PRKCZ: variants seen among roughly 807,000 people sequenced by gnomAD.
PRKCZ encodes protein kinase C zeta, also known as protein kinase C zeta type.
In PRKCZ, 33 loss-of-function variants were observed where a neutral mutation model predicts 79.5. That is an observed-to-expected ratio of 0.41 (90% CI 0.31 to 0.55). The LOEUF is 0.55. PRKCZ is among the 20% of genes least tolerant of loss of function. The probability of loss-of-function intolerance (pLI) is 0.19; values close to 1 mark genes in which losing one functional copy is unlikely to be tolerated. For synonymous variants in PRKCZ, 342 were observed against 320.9 expected, an observed-to-expected ratio of 1.07 and a Z score of -0.70; for missense variants, 578 against 813.5, an observed-to-expected ratio of 0.71 and a Z score of 3.52.
intron 4 of PRKCZ, among the ~76,000 whole-genome samples, chr1:2,077,688 G>C (rs1389014340): frequency 6.6e-6 from 1 of 152,232 alleles, no homozygotes; most frequent in Non-Finnish European, 1.5e-5. Flanking sequence ...TGCTGCCCCA[G>C]CTCCACTCCC....
At chr1:2,131,956 C>T (rs560033021) in intron 4 of PRKCZ, among the ~76,000 whole-genome samples, 91 of 152,252 alleles carry the variant, frequency 6.0e-4, no homozygotes, top group African/African-American at 1.7e-3. Context: ...GGACTACAGG[C>T]GCCCACCACC....
intron 5 of PRKCZ, among the ~76,000 whole-genome samples, chr1:2,137,693 C>G (rs899461896): frequency 6.6e-6 from 1 of 152,240 alleles, no homozygotes; most frequent in African/African-American, 2.4e-5. Flanking sequence ...CAGGGTGTGG[C>G]CTCTCACTGT....
intron 4 of PRKCZ, among the ~76,000 whole-genome samples, chr1:2,077,830 C>G (rs771855469): frequency 6.6e-6 from 1 of 152,208 alleles, no homozygotes; most frequent in Admixed American, 6.5e-5. Context: ...ATCAGCTCAT[C>G]TCTTCCTTCC....
Position 2,149,050 on chromosome 1 carries a change from T to G in PRKCZ, c.687+126T>G. The G allele has an allele frequency of 9.8e-7, 1 of 1,020,550 alleles. No individual in the cohort carries two copies. The allele number at this position is 1,020,550 out of a possible 1,614,324, so 63.2% of individuals were successfully genotyped here. ...TGGTCCGGGGTGTTGCTAACTAATC[T>G]TCACGGGTGTGGATGTCTAGAAGGA... On this transcript the variant is annotated intron_variant, in intron 8 of 17. Transcript: ENST00000378567. This position sits in a 1 kb window ranked among gnomAD's most constrained non-coding sequence, Gnocchi z 4.1.
rs929798006 is a variant in PRKCZ, at chr1:2,126,351, G to A, written c.335-8911G>A. Among the ~76,000 whole-genome samples the A allele has an allele frequency of 5.3e-5, 8 of 152,180 alleles. No homozygotes were observed. In the East Asian group the frequency reaches 1.5e-3, roughly 29 times the overall value. ...GCTGCCCGGCTGGGGTCGTGGTCGG[G>A]GCAGGTGCCGCCCACAGGTTGTTTG... On this transcript the variant is annotated intron_variant, in intron 4 of 17. Transcript: ENST00000378567.
chr1:2,181,381 C>T (rs568284285), intron 16 of PRKCZ, among the ~76,000 whole-genome samples: 1 of 152,366 alleles, frequency 6.6e-6, no homozygotes, highest in African/African-American at 2.4e-5. Context: ...CCTGTTGTAT[C>T]TCAGGTCACT....
chr1:2,055,190 C>T (rs968141827), intron 1 of PRKCZ, among the ~76,000 whole-genome samples: 33 of 151,830 alleles, frequency 2.2e-4, no homozygotes, highest in African/African-American at 7.7e-4. Context: ...GATCCACCCG[C>T]CTCGGCCTCC....
upstream of PRKCZ, chr1:2,049,811 G>A (rs571688831): frequency 6.6e-6 from 1 of 152,440 alleles, no homozygotes; most frequent in African/African-American, 2.4e-5. Context: ...GAAGGTCATG[G>A]GCGACTCGGG....
At chr1:2,083,758 T>TG (rs1250415926) in intron 4 of PRKCZ, among the ~76,000 whole-genome samples, 2 of 152,328 alleles carry the variant, frequency 1.3e-5, no homozygotes, top group African/African-American at 4.8e-5. Flanking sequence ...GCTTTTCCTC[T>TG]GGTAAACGTG....
intron 5 of PRKCZ, among the ~76,000 whole-genome samples, chr1:2,140,327 C>G (rs1677059687): frequency 6.6e-6 from 1 of 152,156 alleles, no homozygotes; most frequent in African/African-American, 2.4e-5. Context: ...AAGGGTGTGA[C>G]AGGTCTAAAA....
Position 2,155,975 on chromosome 1 carries a change from C to T in PRKCZ, c.877-20C>T. On this transcript the variant is annotated intron_variant, in intron 9 of 17. Coordinates refer to ENST00000378567, the MANE Select transcript of PRKCZ (RefSeq NM_002744.6). ...GGAGCATTCGGGAGCCTCATTACCACTCCCTGGTTTCTATTTCAGGATATT... is the reference window on the plus strand; with the variant it reads ...GGAGCATTCGGGAGCCTCATTACCATTCCCTGGTTTCTATTTCAGGATATT... 3 of 1,608,850 alleles carry T rather than the reference C, an allele frequency of 1.9e-6. No individual in the cohort carries two copies.
Position 2,146,951 on chromosome 1 carries a change from A to G in PRKCZ, c.634+843A>G, listed in dbSNP as rs527958806. Among the ~76,000 whole-genome samples the G allele has an allele frequency of 7.2e-5, 11 of 151,992 alleles. No individual in the cohort carries two copies. The South Asian group carries it at 2.3e-3, about 32-fold the overall frequency. ...CCAACCAGCCATCCTCCACCCGCCC[A>G]TTCTCCATCCATCCACCACCTATCC... On this transcript the variant is annotated intron_variant, in intron 7 of 17. Coordinates refer to ENST00000378567, the MANE Select transcript of PRKCZ (RefSeq NM_002744.6).
rs28756503 is a variant in PRKCZ, at chr1:2,064,943, G to C, written c.334+5352G>C. On this transcript the variant is annotated intron_variant, in intron 4 of 17. Transcript: ENST00000378567. The stretch of plus-strand genomic sequence containing the variant: ...GGCTCTGTAGATCACTTTGGGTAGT[G>C]CTGACATCTTAACAGTATGAAGACT... Among the ~76,000 whole-genome samples, 1,651 of 152,302 alleles carry C rather than the reference G, an allele frequency of 0.011. 138 individuals are homozygous for C. The East Asian group carries it at 0.21, about 19-fold the overall frequency.
At chr1:2,155,191 T>G (rs1680710328) in intron 9 of PRKCZ, among the ~76,000 whole-genome samples, 1 of 150,798 alleles carries the variant, frequency 6.6e-6, no homozygotes, top group African/African-American at 2.5e-5. Flanking sequence ...GTGGTGGTGA[T>G]GAAGATGTTG....
chr1:2,166,001 G>C (rs1357079425), intron 10 of PRKCZ, among the ~76,000 whole-genome samples: 1 of 152,224 alleles, frequency 6.6e-6, no homozygotes, highest in Non-Finnish European at 1.5e-5. Flanking sequence ...CGGTTCCAGG[G>C]CAGGGTCAGG....
chr1:2,095,326 C>G lies in PRKCZ; in HGVS notation c.334+35735C>G, dbSNP rs1666268554. On this transcript the variant is annotated intron_variant, in intron 4 of 17. Transcript: ENST00000378567. ...GAGCTCACCATGGTTTTGGAGGTGGCTGGGCAGTGGCGGGCAGAGCCCCAT... is the reference window on the plus strand; with the variant it reads ...GAGCTCACCATGGTTTTGGAGGTGGGTGGGCAGTGGCGGGCAGAGCCCCAT... Among the ~76,000 whole-genome samples the G allele has an allele frequency of 2.0e-5, 3 of 152,160 alleles. No individual in the cohort carries two copies. The South Asian group carries it at 6.2e-4, about 31-fold the overall frequency.
chr1:2,158,042 C>CA (rs1409209206), intron 10 of PRKCZ, among the ~76,000 whole-genome samples: 1 of 152,050 alleles, frequency 6.6e-6, no homozygotes, highest in Non-Finnish European at 1.5e-5. Flanking sequence ...CTCCTGACCG[C>CA]AGGGTCCTGC....
At chr1:2,154,164 C>T (rs915733711) in intron 9 of PRKCZ, among the ~76,000 whole-genome samples, 1 of 152,178 alleles carries the variant, frequency 6.6e-6, no homozygotes, top group Non-Finnish European at 1.5e-5. Context: ...GGAGGAGTCA[C>T]CGCCGACCCA....
intron 4 of PRKCZ, among the ~76,000 whole-genome samples, chr1:2,079,941 C>T (rs1017875213): frequency 1.1e-4 from 16 of 152,224 alleles, no homozygotes; most frequent in African/African-American, 3.6e-4. Context: ...CCCGCAAGCC[C>T]TCTCGTTCCC....
Sources: allele counts gnomAD v4.1 joint callset (sites outside exome capture counted in the v4.1 genomes callset), GRCh38; gene constraint gnomAD v4.1.1; non-coding constraint Gnocchi (gnomAD v3.1); transcripts MANE v1.5; gene names NCBI Gene and HGNC (gene_info 2026-07-23, HGNC 2026-07-21).